VPS13A: variants seen among roughly 807,000 people sequenced by gnomAD.
The protein encoded by VPS13A is vacuolar protein sorting 13 homolog A.
A neutral mutation model predicts 390.9 loss-of-function variants in VPS13A; 264 were observed. The observed-to-expected ratio is 0.68, with a 90% CI of 0.61 to 0.75. VPS13A has a LOEUF of 0.75. VPS13A is among the 30% of genes least tolerant of loss of function. The probability of loss-of-function intolerance (pLI) is 0.00; values close to 1 mark genes in which losing one functional copy is unlikely to be tolerated. For missense variants in VPS13A, 3,409 were observed against 3,733.9 expected, an observed-to-expected ratio of 0.91 and a Z score of 2.27; for synonymous variants, 1,231 against 1,227.1, an observed-to-expected ratio of 1.00 and a Z score of -0.07.
At chr9:77,320,240 G>A (rs1489342069) in intron 42 of VPS13A, among the ~76,000 whole-genome samples, 1 of 152,128 alleles carries the variant, frequency 6.6e-6, no homozygotes, top group African/African-American at 2.4e-5. Context: ...AAGTGGAAAA[G>A]ATGGGATGCA....
chr9:77,345,009 C>G lies in VPS13A; in HGVS notation c.7156C>G (p.Leu2386Val). Residue 2386 changes from leucine (L) to valine (V), a missense_variant and splice_region_variant, in exon 52 of 72, where the codon CTT becomes GTT. By Grantham distance (32) the Leu-to-Val change is conservative. Transcript: ENST00000360280. ...NCILLRLDNE[L>V]GGIIAEVNLA... Reference sequence around the variant, plus strand: ...AATGTTTTCTTTTTCTTTCTTCTAGCTTGGAGGTATTATAGCAGAAGTGAA... The same window carrying G: ...AATGTTTTCTTTTTCTTTCTTCTAGGTTGGAGGTATTATAGCAGAAGTGAA... 1 of 1,611,436 alleles carries G rather than the reference C, an allele frequency of 6.2e-7. No individual in the cohort carries two copies. Among genetic ancestry groups the G allele is most frequent in the East Asian group, 2.2e-5 (1 of 44,766 alleles).
chr9:77,256,614 G>A (rs1825459768), intron 22 of VPS13A, among the ~76,000 whole-genome samples: 1 of 152,048 alleles, frequency 6.6e-6, no homozygotes, highest in South Asian at 2.1e-4. Context: ...TCAAGGAACT[G>A]TCTGTTTCTT....
chr9:77,366,718 T>C lies in VPS13A; in HGVS notation c.8326-9T>C, dbSNP rs377207319. The C allele has an allele frequency of 2.5e-6, 4 of 1,604,588 alleles. No homozygotes were observed. Among genetic ancestry groups the C allele is most frequent in the Non-Finnish European group, 3.4e-6 (4 of 1,173,930 alleles). Reference sequence around the variant, plus strand: ...ATACTTTTAAATATTTATCTCTTTATCTTTTTAGTTACATTTAAGTGTTTC... The same window carrying C: ...ATACTTTTAAATATTTATCTCTTTACCTTTTTAGTTACATTTAAGTGTTTC... On this transcript the variant is annotated splice_polypyrimidine_tract_variant and intron_variant, in intron 60 of 71. Transcript: ENST00000360280.
At chr9:77,279,863 T>G (rs1826910299) in intron 26 of VPS13A, 1 of 206,646 alleles carries the variant, frequency 4.8e-6, no homozygotes, top group Non-Finnish European at 9.8e-6. Context: ...CTAAAAACCA[T>G]TCTAGTTTCT....
At chr9:77,310,725 CA>C (rs1435664434) in intron 35 of VPS13A, among the ~76,000 whole-genome samples, 1 of 151,902 alleles carries the variant, frequency 6.6e-6, no homozygotes, top group East Asian at 1.9e-4. Flanking sequence ...CATTACTAAC[CA>C]AAGCTGTAAA....
chr9:77,275,908 G>A (rs1826637468), intron 25 of VPS13A, among the ~76,000 whole-genome samples, 157 bp from the exon 26 acceptor site: 1 of 151,164 alleles, frequency 6.6e-6, no homozygotes, highest in Non-Finnish European at 1.5e-5. Flanking sequence ...TATGTTGTGT[G>A]TGTATTGTAT....
At chr9:77,346,421 T>C (rs1324928347) in intron 52 of VPS13A, among the ~76,000 whole-genome samples, 1 of 152,234 alleles carries the variant, frequency 6.6e-6, no homozygotes, top group Non-Finnish European at 1.5e-5. Flanking sequence ...AGATTCTGGA[T>C]ATTAGTCCTT....
At chr9:77,273,516 C>A in intron 24 of VPS13A, 152 bp downstream of exon 24, 1 of 636,402 alleles carries the variant, frequency 1.6e-6, no homozygotes, top group South Asian at 2.2e-5. Flanking sequence ...GAATGGAAGA[C>A]AGATTAACAT....
chr9:77,209,636 G>A (rs1825862027), intron 6 of VPS13A, 104 bp downstream of exon 6: 5 of 738,348 alleles, frequency 6.8e-6, no homozygotes, highest in Non-Finnish European at 1.2e-5. Context: ...AATCCCAAAA[G>A]GTTACAGAGC....
chr9:77,366,058 A>C (rs10491843), intron 60 of VPS13A, among the ~76,000 whole-genome samples: 8,853 of 152,136 alleles, frequency 0.058, 373 homozygotes, highest in South Asian at 0.12. Context: ...TTAACTTCTG[A>C]AATAATTGAA....
intron 67 of VPS13A, among the ~76,000 whole-genome samples, chr9:77,374,261 T>C (rs1208998202): frequency 6.6e-6 from 1 of 152,162 alleles, no homozygotes; most frequent in Admixed American, 6.6e-5. Context: ...TACATACATA[T>C]CCGTGATGAA....
At chr9:77,243,405 G>A (rs916556173) in intron 19 of VPS13A, among the ~76,000 whole-genome samples, 9 of 152,246 alleles carry the variant, frequency 5.9e-5, no homozygotes, top group Admixed American at 2.6e-4. Flanking sequence ...GGAGCGTTTT[G>A]ATTTTGGATT....
At chr9:77,297,966 G>C (rs1333412072) in intron 33 of VPS13A, among the ~76,000 whole-genome samples, 1 of 152,158 alleles carries the variant, frequency 6.6e-6, no homozygotes, top group East Asian at 1.9e-4. Flanking sequence ...GTAGTGGAGA[G>C]CTAACCAGAA....
intron 58 of VPS13A, 108 bp downstream of exon 58, chr9:77,359,510 TA>T (rs1195820769): frequency 2.9e-6 from 3 of 1,039,624 alleles, no homozygotes; most frequent in Non-Finnish European, 2.8e-6. Context: ...AAGCATAAAA[TA>T]TTAATTATAA....
chr9:77,252,322 C>T lies in VPS13A; in HGVS notation c.2258C>T (p.Ala753Val). ...PMHFNLELSK[A>V]MVFMDVRMPK... is the part of the protein sequence containing the mutation. ...CACTTCAATTTGGAACTGTCTAAGGCCATGGTTTTCATGGATGTAAGGATG... is the reference window on the plus strand; with the variant it reads ...CACTTCAATTTGGAACTGTCTAAGGTCATGGTTTTCATGGATGTAAGGATG... Residue 753 changes from alanine (A) to valine (V), a missense_variant, in exon 22 of 72, where the codon GCC becomes GTC. Physicochemically the swap from Ala to Val is moderately conservative, Grantham distance 64 (BLOSUM62 0). This residue lies in a region of VPS13A where 2,717 missense variants were observed against 2,917.4 expected (regional missense o/e 0.93). Coordinates refer to ENST00000360280, the MANE Select transcript of VPS13A (RefSeq NM_033305.3). The T allele has an allele frequency of 6.2e-7, 1 of 1,613,750 alleles. No individual in the cohort carries two copies. The highest frequency in any genetic ancestry group is 8.5e-7 in the Non-Finnish European group (1 of 1,179,788).
At chr9:77,308,247 T>G (rs1828883165) in intron 35 of VPS13A, 149 bp downstream of exon 35, 2 of 909,566 alleles carry the variant, frequency 2.2e-6, no homozygotes, top group Non-Finnish European at 3.4e-6. Context: ...TTGTTTAGTT[T>G]GGGCAAAATA....
In VPS13A at chr9:77,295,856, T is replaced by C. The variant is rs1316633122; in HGVS notation, c.3812+10T>C. ...AAATGCGACTATACAGGTAAGCTTT[T>C]CACAAGTATATTTGTGTGGAATGCA... On this transcript the variant is annotated intron_variant, in intron 33 of 71. Transcript: ENST00000360280. 1 of 1,612,728 alleles carries C rather than the reference T, an allele frequency of 6.2e-7. No homozygotes were observed. The highest frequency in any genetic ancestry group is 1.1e-5 in the South Asian group (1 of 91,040).
intron 31 of VPS13A, among the ~76,000 whole-genome samples, chr9:77,287,885 A>G (rs1827423808): frequency 6.6e-6 from 1 of 152,190 alleles, no homozygotes; most frequent in East Asian, 1.9e-4. Flanking sequence ...TTAAAGTAAG[A>G]TTTATTGAGA....
At chr9:77,402,526 G>GTACTT (rs1834434814) in intron 68 of VPS13A, among the ~76,000 whole-genome samples, 1 of 152,140 alleles carries the variant, frequency 6.6e-6, no homozygotes, top group African/African-American at 2.4e-5. Flanking sequence ...AGCCTGCTAT[G>GTACTT]TACTTTAAAT....
Sources: allele counts gnomAD v4.1 joint callset (sites outside exome capture counted in the v4.1 genomes callset), GRCh38; gene constraint gnomAD v4.1.1; regional missense constraint gnomAD v4.1.1; transcripts MANE v1.5; gene names NCBI Gene and HGNC (gene_info 2026-07-23, HGNC 2026-07-21).